KHDRBS2: variants seen among roughly 807,000 people sequenced by gnomAD.
KHDRBS2 encodes KH domain-containing, RNA-binding, signal transduction-associated protein 2.
A neutral mutation model predicts 44.3 loss-of-function variants in KHDRBS2; 26 were observed. The observed-to-expected ratio is 0.59, with a 90% CI of 0.43 to 0.81. The LOEUF (loss-of-function observed/expected upper bound fraction) is 0.81, where lower values mean the gene tolerates loss of function less well. Among genes scored for constraint, KHDRBS2 ranks in the 40% least tolerant of loss-of-function variants. KHDRBS2 has a pLI of 0.00. For synonymous variants in KHDRBS2, 194 were observed against 151.1 expected (o/e 1.28, Z -2.08); for missense variants, 476 against 433.1 (o/e 1.10, Z -0.88).
the KHDRBS2 span, among the ~76,000 whole-genome samples, chr6:61,555,829 G>T: frequency 6.6e-6 from 1 of 152,084 alleles, no homozygotes; most frequent in African/African-American, 2.4e-5. Context: ...GCTTTAACTT[G>T]GGGGCCTGTT....
the KHDRBS2 span, among the ~76,000 whole-genome samples, chr6:61,581,799 G>T: frequency 6.6e-6 from 1 of 151,248 alleles, no homozygotes; most frequent in African/African-American, 2.4e-5. Flanking sequence ...ACACTAAAGA[G>T]GCTTGTTAAA....
chr6:61,615,664 T>C, the KHDRBS2 span, among the ~76,000 whole-genome samples: 1 of 152,206 alleles, frequency 6.6e-6, no homozygotes, highest in East Asian at 1.9e-4. Flanking sequence ...ATTTGAAACA[T>C]TTTGAGTGCC....
intron 8 of KHDRBS2, among the ~76,000 whole-genome samples, chr6:61,690,645 T>C (rs1767297403): frequency 6.6e-6 from 1 of 152,054 alleles, no homozygotes; most frequent in Non-Finnish European, 1.5e-5. Context: ...AAACTTACAG[T>C]TTTTATAAAG....
chr6:62,119,280 T>C (rs1032928493), intron 2 of KHDRBS2, among the ~76,000 whole-genome samples: 1 of 152,184 alleles, frequency 6.6e-6, no homozygotes, highest in Non-Finnish European at 1.5e-5. Flanking sequence ...GTTTAGTGAC[T>C]CTATACATAA....
chr6:62,204,684 T>A (rs888889505), intron 1 of KHDRBS2, among the ~76,000 whole-genome samples: 1 of 152,176 alleles, frequency 6.6e-6, no homozygotes, highest in African/African-American at 2.4e-5. Flanking sequence ...AGGTATTGAC[T>A]GCTTTTATTC....
chr6:61,957,874 T>C (rs1767765353), intron 4 of KHDRBS2, among the ~76,000 whole-genome samples: 1 of 152,156 alleles, frequency 6.6e-6, no homozygotes, highest in Non-Finnish European at 1.5e-5. Context: ...TCAGGGAGCA[T>C]CATGGAACCT....
At chr6:62,070,503 C>T (rs1032393873) in intron 2 of KHDRBS2, among the ~76,000 whole-genome samples, 2 of 151,838 alleles carry the variant, frequency 1.3e-5, no homozygotes, top group Non-Finnish European at 2.9e-5. Flanking sequence ...TCCCACCCTA[C>T]AACAGGCCCC....
chr6:61,714,156 A>G (rs56745848), intron 7 of KHDRBS2, among the ~76,000 whole-genome samples: 4,266 of 151,888 alleles, frequency 0.028, 221 homozygotes, highest in African/African-American at 0.099. Flanking sequence ...TTAACAAAGG[A>G]CTAATATCCA....
chr6:62,181,757 G>A (rs1822356888), intron 1 of KHDRBS2, among the ~76,000 whole-genome samples: 1 of 151,922 alleles, frequency 6.6e-6, no homozygotes, highest in Non-Finnish European at 1.5e-5. Flanking sequence ...AGGCCTTTGG[G>A]AGGTGATTAT....
At chr6:61,894,900 A>G (rs1247142283) in intron 5 of KHDRBS2, 67 bp from the exon 6 acceptor site, 2 of 1,086,614 alleles carry the variant, frequency 1.8e-6, no homozygotes, top group East Asian at 2.4e-5. Context: ...TCACAGAAAA[A>G]GTTTTCATCT....
intron 1 of KHDRBS2, among the ~76,000 whole-genome samples, chr6:62,247,735 T>C (rs1835850063): frequency 6.6e-6 from 1 of 152,048 alleles, no homozygotes; most frequent in Non-Finnish European, 1.5e-5. Flanking sequence ...TATAAGCCTT[T>C]TGCACAATAA....
At chr6:61,662,340 A>G in the KHDRBS2 span, among the ~76,000 whole-genome samples, 2 of 152,022 alleles carry the variant, frequency 1.3e-5, no homozygotes, top group Admixed American at 6.6e-5. Flanking sequence ...AGGCATGGGC[A>G]AGGACTTCAT....
intron 1 of KHDRBS2, among the ~76,000 whole-genome samples, chr6:62,202,293 C>T (rs1827157358): frequency 6.6e-6 from 1 of 152,080 alleles, no homozygotes; most frequent in Admixed American, 6.6e-5. Context: ...TTTGACCTTC[C>T]AATCCAACTC....
chr6:61,735,141 A>ATT (rs113432555), intron 6 of KHDRBS2, among the ~76,000 whole-genome samples: 14 of 151,810 alleles, frequency 9.2e-5, no homozygotes, highest in East Asian at 3.9e-4. Context: ...TTTTGTTTTC[A>ATT]TTTTTTTGGT....
rs1562136750 is a variant in KHDRBS2, at chr6:61,771,675, A to C, written c.811-38911T>G. Among the ~76,000 whole-genome samples the C allele has an allele frequency of 2.0e-5, 3 of 152,322 alleles. No homozygotes were observed. In the East Asian group the frequency reaches 5.8e-4, roughly 29 times the overall value. ...ATATGCACCCAATACAGGAGCACCCAGATTCATAAAGCAAGTCTTTAGTGA... is the reference window on the plus strand; with the variant it reads ...ATATGCACCCAATACAGGAGCACCCCGATTCATAAAGCAAGTCTTTAGTGA... On this transcript the variant is annotated intron_variant, in intron 6 of 8. Transcript: ENST00000281156.
intron 4 of KHDRBS2, among the ~76,000 whole-genome samples, chr6:61,905,854 C>CTTTTTTTTTTTTTTTTTTTTTTTTTTTTT (rs10676797): frequency 1.8e-5 from 2 of 114,176 alleles, no homozygotes; most frequent in Non-Finnish European, 1.7e-5. Flanking sequence ...CAAAACTTTT[C>CTTTTTTTTTTTTTTTTTTTTTTTTTTTTT]TTTTTTTTTT....
At chr6:61,997,885 C>T (rs1466595673) in intron 3 of KHDRBS2, among the ~76,000 whole-genome samples, 2 of 152,144 alleles carry the variant, frequency 1.3e-5, no homozygotes, top group African/African-American at 4.8e-5. Context: ...AGAGAAATAA[C>T]TACTGCACAT....
chr6:61,580,674 A>G, the KHDRBS2 span, among the ~76,000 whole-genome samples: 92,964 of 151,306 alleles, frequency 0.61, 28,749 homozygotes, highest in Non-Finnish European at 0.65. Context: ...TGAACCCACC[A>G]GAAGGAAAAA....
intron 1 of KHDRBS2, among the ~76,000 whole-genome samples, chr6:62,186,352 A>T (rs556901972): frequency 4.3e-4 from 66 of 152,220 alleles, no homozygotes; most frequent in African/African-American, 1.5e-3. Flanking sequence ...AACGAATACT[A>T]GCTATTATCA....
Sources: allele counts gnomAD v4.1 joint callset (sites outside exome capture counted in the v4.1 genomes callset), GRCh38; gene constraint gnomAD v4.1.1; transcripts MANE v1.5; gene names NCBI Gene and HGNC (gene_info 2026-07-23, HGNC 2026-07-21).